Variants in PHACTR1 observed in about 807,000 individuals in gnomAD.
PHACTR1 encodes the protein phosphatase and actin regulator 1.
PHACTR1 carries 16 observed loss-of-function variants against 69.2 expected under a neutral mutation model. That is an observed-to-expected ratio of 0.23 (90% CI 0.16 to 0.35). The LOEUF (loss-of-function observed/expected upper bound fraction) is 0.35, where lower values mean the gene tolerates loss of function less well. Ranked by LOEUF, PHACTR1 falls within the 10% of genes least tolerant of loss-of-function variation. The pLI, the probability that PHACTR1 is intolerant of heterozygous loss-of-function variation, is 1.00. For synonymous variants in PHACTR1, 312 were observed against 284.5 expected (o/e 1.10, Z -0.97); for missense variants, 510 against 734.7 (o/e 0.69, Z 3.54).
At position 13,271,462 on chromosome 6, in the gene PHACTR1, A is replaced by C. The variant is rs549759659; in HGVS notation, c.1392-1398A>C. On this transcript the variant is annotated intron_variant, in intron 10 of 14. Coordinates refer to ENST00000332995, the MANE Select transcript of PHACTR1 (RefSeq NM_030948.6). ...TTGATTCTGGCCCAGCACAATAAACAAAAACACAAATGACAACAAGCTTTG... is the reference window on the plus strand; with the variant it reads ...TTGATTCTGGCCCAGCACAATAAACCAAAACACAAATGACAACAAGCTTTG... Among the ~76,000 whole-genome samples the C allele has an allele frequency of 1.4e-4, 21 of 145,912 alleles. No homozygotes were observed. In the South Asian group the frequency reaches 4.3e-3, roughly 30 times the overall value.
intron 4 of PHACTR1, among the ~76,000 whole-genome samples, chr6:13,019,057 T>TAG (rs1426235710): frequency 1.0e-5 from 1 of 100,160 alleles, no homozygotes; most frequent in African/African-American, 3.0e-5. Context: ...AGTTGAAATA[T>TAG]ATATATATAT....
intron 8 of PHACTR1, among the ~76,000 whole-genome samples, chr6:13,206,759 C>T (rs946952218): frequency 6.6e-6 from 1 of 152,158 alleles, no homozygotes; most frequent in Non-Finnish European, 1.5e-5. Context: ...CACACTTACA[C>T]CCACACCCAC....
At chr6:12,884,167 C>T (rs1412785668) in intron 4 of PHACTR1, among the ~76,000 whole-genome samples, 1 of 151,902 alleles carries the variant, frequency 6.6e-6, no homozygotes, top group Admixed American at 6.6e-5. Flanking sequence ...TACATACATA[C>T]AAACATGTTC....
intron 5 of PHACTR1, among the ~76,000 whole-genome samples, 164 bp downstream of exon 5, chr6:13,053,693 A>G (rs540845319): frequency 6.6e-6 from 1 of 152,286 alleles, no homozygotes; most frequent in Admixed American, 6.5e-5. Flanking sequence ...ATCAAGAATG[A>G]CTTTTATATC....
rs151330425 is a variant in PHACTR1 at position 13,204,744 on chromosome 6, C to T, written c.665-1071C>T. Reference sequence around the variant, plus strand: ...CTCTCACTCCTGCCCCACTCGTGCACCCAAGCCAGGATCTGCAAAAACTAA... The same window carrying T: ...CTCTCACTCCTGCCCCACTCGTGCATCCAAGCCAGGATCTGCAAAAACTAA... On this transcript the variant is annotated intron_variant, in intron 7 of 14. Transcript: ENST00000332995. 1.9e-4 allele frequency among the ~76,000 whole-genome samples: 29 copies of T among 152,318 alleles called. No homozygotes were observed. In the East Asian group the frequency reaches 5.4e-3, roughly 28 times the overall value.
intron 4 of PHACTR1, among the ~76,000 whole-genome samples, chr6:12,946,251 A>T (rs1790658746): frequency 6.6e-6 from 1 of 152,016 alleles, no homozygotes; most frequent in African/African-American, 2.4e-5. Context: ...GGCATCAGGG[A>T]GGGATGGAGT....
Position 12,872,288 on chromosome 6 carries a change from C to T in PHACTR1, c.250+122498C>T, listed in dbSNP as rs114409338. 6.5e-3 allele frequency among the ~76,000 whole-genome samples: 992 copies of T among 151,724 alleles called. 9 individuals carry two copies. The highest frequency in any genetic ancestry group is 0.022 in the African/African-American group (919 of 41,324). On this transcript the variant is annotated intron_variant, in intron 4 of 14. Coordinates refer to ENST00000332995, the MANE Select transcript of PHACTR1 (RefSeq NM_030948.6). ...TGTTTTTAAATACCCTAACTAAAAA[C>T]TAGAAGTAGAAGAATGAAAAAAAAT...
Position 13,283,517 on chromosome 6 carries a change from C to T in PHACTR1, c.1605C>T (p.Asp535=). ...YVEVADAQDY[D]RRADKPWTRL... ...AGGTGGCTGACGCTCAGGACTATGA[C>T]CGCAGGGCAGATAAGCCGTGGACCC... is the stretch of plus-strand genomic sequence containing the variant. The change falls in exon 13 of 15, where the codon GAC becomes GAT. Residue 535 remains aspartate, a synonymous_variant. Transcript: ENST00000332995. The surrounding 1 kb of genome is among the most constrained non-coding windows in gnomAD (Gnocchi z 4.7). The T allele has an allele frequency of 6.2e-7, 1 of 1,613,900 alleles. No homozygotes were observed. The highest frequency in any genetic ancestry group is 8.5e-7 in the Non-Finnish European group (1 of 1,179,880).
intron 4 of PHACTR1, among the ~76,000 whole-genome samples, chr6:12,817,373 AT>A (rs1775705791): frequency 6.6e-6 from 1 of 152,190 alleles, no homozygotes. Context: ...TTATAAACAT[AT>A]TTGTAGCAAT....
chr6:13,193,187 C>CA (rs1763837557), intron 7 of PHACTR1, among the ~76,000 whole-genome samples: 1 of 146,814 alleles, frequency 6.8e-6, no homozygotes, highest in African/African-American at 2.5e-5. Context: ...ATTGTAAATG[C>CA]AAAAAATACG....
At position 13,182,661 on chromosome 6, in the gene PHACTR1, A is replaced by G; in HGVS notation, c.639A>G (p.Gln213=). Reference sequence around the variant, plus strand: ...ATCCCTGCTCATATGAGGTGCTCCAACCGTCAGACATCATGGATGGGCCAG... The same window carrying G: ...ATCCCTGCTCATATGAGGTGCTCCAGCCGTCAGACATCATGGATGGGCCAG... ...PRDPCSYEVL[Q]PSDIMDGPDP... The change falls in exon 7 of 15, where the codon CAA becomes CAG. Residue 213 remains glutamine, a synonymous_variant. Transcript: ENST00000332995. The G allele has an allele frequency of 6.4e-7, 1 of 1,573,428 alleles. No individual in the cohort carries two copies. Among genetic ancestry groups the G allele is most frequent in the African/African-American group, 1.4e-5 (1 of 73,432 alleles).
At chr6:12,860,221 A>G (rs979815272) in intron 4 of PHACTR1, among the ~76,000 whole-genome samples, 5 of 151,938 alleles carry the variant, frequency 3.3e-5, no homozygotes, top group South Asian at 2.1e-4. Flanking sequence ...CCATTGTTCA[A>G]CTGCCACTTA....
intron 4 of PHACTR1, among the ~76,000 whole-genome samples, chr6:13,044,391 T>C (rs1804690664): frequency 6.6e-6 from 1 of 152,232 alleles, no homozygotes; most frequent in Non-Finnish European, 1.5e-5. Flanking sequence ...CTATGTAATC[T>C]GCAATCCCAG....
chr6:12,814,536 T>A (rs1020239987), intron 4 of PHACTR1, among the ~76,000 whole-genome samples: 4 of 152,230 alleles, frequency 2.6e-5, no homozygotes, highest in African/African-American at 9.6e-5. Context: ...AGGTTTTGCC[T>A]AGTTTTGTGT....
At chr6:13,096,877 G>A (rs757123420) in intron 5 of PHACTR1, among the ~76,000 whole-genome samples, 2 of 152,154 alleles carry the variant, frequency 1.3e-5, no homozygotes, top group East Asian at 1.9e-4. Context: ...CCTGTCGTGC[G>A]TGACTTCTGG....
At chr6:12,724,879 A>G (rs1298325780) in intron 3 of PHACTR1, among the ~76,000 whole-genome samples, 1 of 152,196 alleles carries the variant, frequency 6.6e-6, no homozygotes, top group South Asian at 2.1e-4. Flanking sequence ...AAAATACATT[A>G]AAAGGCAGCC....
intron 5 of PHACTR1, among the ~76,000 whole-genome samples, chr6:13,094,780 A>G (rs1408242722): frequency 6.6e-6 from 1 of 152,200 alleles, no homozygotes; most frequent in Non-Finnish European, 1.5e-5. Flanking sequence ...ACCTATATAT[A>G]TATTACACTA....
chr6:12,823,922 C>T (rs945883499), intron 4 of PHACTR1, among the ~76,000 whole-genome samples: 2 of 152,038 alleles, frequency 1.3e-5, no homozygotes, highest in African/African-American at 2.4e-5. Flanking sequence ...TATATTTTTC[C>T]TTCCTTTAGA....
intron 4 of PHACTR1, among the ~76,000 whole-genome samples, chr6:12,915,789 T>C (rs900697723): frequency 2.6e-5 from 4 of 152,172 alleles, no homozygotes; most frequent in African/African-American, 9.7e-5. Context: ...CCCATCTGCT[T>C]CGTCACCCCT....
Sources: allele counts gnomAD v4.1 joint callset (sites outside exome capture counted in the v4.1 genomes callset), GRCh38; gene constraint gnomAD v4.1.1; non-coding constraint Gnocchi (gnomAD v3.1); transcripts MANE v1.5; gene names NCBI Gene and HGNC (gene_info 2026-07-23, HGNC 2026-07-21).